FBXO10: variants seen among roughly 807,000 people sequenced by gnomAD.
The protein encoded by FBXO10 is F-box protein 10.
In FBXO10, 39 loss-of-function variants were observed where a neutral mutation model predicts 80.7. The ratio of observed to expected loss-of-function variants is 0.48; its 90% CI spans 0.37 to 0.63. The LOEUF (loss-of-function observed/expected upper bound fraction) is 0.63. FBXO10 is among the 30% of genes least tolerant of loss of function. The pLI is 0.00. For missense variants in FBXO10, 1,025 were observed against 1,269.0 expected (o/e 0.81, Z 2.92); for synonymous variants, 449 against 489.6 (o/e 0.92, Z 1.09).
At chr9:37,528,479 C>T (rs187124477) in intron 5 of FBXO10, among the ~76,000 whole-genome samples, 12 of 152,270 alleles carry the variant, frequency 7.9e-5, no homozygotes, top group East Asian at 3.9e-4. Context: ...GAACATCCAC[C>T]GACCCCTCCC....
At chr9:37,566,944 AC>A (rs1822621589) in intron 1 of FBXO10, among the ~76,000 whole-genome samples, 1 of 151,956 alleles carries the variant, frequency 6.6e-6, no homozygotes, top group Admixed American at 6.6e-5. Flanking sequence ...AGCCATAAGG[AC>A]CCTCTCTCCT....
intron 1 of FBXO10, among the ~76,000 whole-genome samples, chr9:37,543,108 TG>T (rs1821968152): frequency 1.3e-5 from 2 of 152,212 alleles, no homozygotes; most frequent in South Asian, 4.1e-4. Context: ...TCAGATGCTG[TG>T]GGTTTTGGTC....
At position 37,537,699 on chromosome 9, in the gene FBXO10, A is replaced by T; in HGVS notation, c.830T>A (p.Ile277Asn). 6.2e-7 allele frequency: 1 copy of T among 1,613,982 alleles called. No individual in the cohort carries two copies. The highest frequency in any genetic ancestry group is 1.1e-5 in the South Asian group (1 of 91,078). Residue 277 changes from isoleucine to asparagine, a missense_variant, in exon 3 of 11, where the codon ATC (isoleucine) becomes AAC (asparagine). Ile to Asn is a moderately radical substitution (Grantham distance 149). Coordinates refer to ENST00000432825, the MANE Select transcript of FBXO10 (RefSeq NM_012166.3). ...GGGGAGAAAAGTGGGTGAGGACTTG[A>T]TAAGCCCTAGTAGATACTTGTAGGC... ...NWAYKYLLGL[I>N]KSSPTFLPTE...
chr9:37,570,948 T>A (rs926131591), intron 1 of FBXO10, among the ~76,000 whole-genome samples: 8 of 150,068 alleles, frequency 5.3e-5, no homozygotes, highest in African/African-American at 1.7e-4. Context: ...GAGCTGAGAT[T>A]GCGCCACTGC....
intron 1 of FBXO10, among the ~76,000 whole-genome samples, chr9:37,546,833 A>T (rs561760344): frequency 6.1e-4 from 92 of 151,736 alleles, no homozygotes; most frequent in African/African-American, 2.1e-3. Context: ...GGCGTGCGCC[A>T]CCACGCCTGG....
chr9:37,566,129 A>C (rs1055254914), intron 1 of FBXO10, among the ~76,000 whole-genome samples: 5 of 152,106 alleles, frequency 3.3e-5, no homozygotes, highest in African/African-American at 1.2e-4. Flanking sequence ...GACAAAAGGG[A>C]CCCAACAGGC....
chr9:37,548,099 CA>C (rs944633319), intron 1 of FBXO10, among the ~76,000 whole-genome samples: 1 of 152,204 alleles, frequency 6.6e-6, no homozygotes, highest in African/African-American at 2.4e-5. Flanking sequence ...AAACCCTCAC[CA>C]GAGGTTGGGC....
At chr9:37,564,778 G>C (rs1382112041) in intron 1 of FBXO10, among the ~76,000 whole-genome samples, 1 of 152,216 alleles carries the variant, frequency 6.6e-6, no homozygotes, top group Non-Finnish European at 1.5e-5. Context: ...GCTTGCCTTT[G>C]ATTTTACAGG....
intron 1 of FBXO10, among the ~76,000 whole-genome samples, chr9:37,562,653 AT>A (rs1325382984): frequency 6.6e-6 from 1 of 152,252 alleles, no homozygotes; most frequent in Non-Finnish European, 1.5e-5. Flanking sequence ...TACTGAATAA[AT>A]AATCACCCTC....
At chr9:37,564,562 G>C (rs770240411) in intron 1 of FBXO10, among the ~76,000 whole-genome samples, 15 of 152,252 alleles carry the variant, frequency 9.9e-5, no homozygotes, top group Non-Finnish European at 1.6e-4. Flanking sequence ...AGCTGCCCAA[G>C]GCTGGGAGCC....
intron 1 of FBXO10, among the ~76,000 whole-genome samples, chr9:37,551,175 T>C (rs1822189205): frequency 6.6e-6 from 1 of 152,246 alleles, no homozygotes; most frequent in Non-Finnish European, 1.5e-5. Flanking sequence ...AATAATCTTC[T>C]TCGACTCCAT....
chr9:37,529,019 T>A, intron 5 of FBXO10, 105 bp downstream of exon 5: 1 of 1,457,228 alleles, frequency 6.9e-7, no homozygotes, highest in South Asian at 1.3e-5. Flanking sequence ...TGAAGTCTCT[T>A]CTCTGCTTGC....
intron 1 of FBXO10, among the ~76,000 whole-genome samples, chr9:37,568,249 G>A (rs1157696172): frequency 2.0e-5 from 3 of 152,036 alleles, no homozygotes. Context: ...CCAAACTGGA[G>A]TACAATGGCG....
Position 37,518,210 on chromosome 9 carries a change from T to C in FBXO10, c.2429A>G (p.Lys810Arg), listed in dbSNP as rs771707966. 10 of 1,614,090 alleles carry C rather than the reference T, an allele frequency of 6.2e-6. No homozygotes were observed. The South Asian group carries it at 9.9e-5, about 16-fold the overall frequency. The change falls in exon 9 of 11, where the codon AAG becomes AGG. Residue 810 changes from lysine (K) to arginine (R), a missense_variant. Coordinates refer to ENST00000432825, the MANE Select transcript of FBXO10 (RefSeq NM_012166.3). ...YDNRGHGIIT[K>R]GDSTIVIEND... ...TTCAATGACGATGGTGCTGTCGCCC[T>C]TGGTGATAATGCCGTGGCCTCTGTT...
chr9:37,537,900 T>C lies in FBXO10; in HGVS notation c.629A>G (p.Asn210Ser). The C allele has an allele frequency of 6.2e-7, 1 of 1,613,968 alleles. No individual in the cohort carries two copies. The highest frequency in any genetic ancestry group is 8.5e-7 in the Non-Finnish European group (1 of 1,179,872). The change falls in exon 3 of 11, where the codon AAC becomes AGC. Residue 210 changes from asparagine to serine, a missense_variant. By Grantham distance (46) the Asn-to-Ser change is conservative. Coordinates refer to ENST00000432825, the MANE Select transcript of FBXO10 (RefSeq NM_012166.3). ...CGGGCCATGGACCTGGATGTGCCCGTTCTCAAAGTTGCAGTTGTCAAACTG... is the reference window on the plus strand; with the variant it reads ...CGGGCCATGGACCTGGATGTGCCCGCTCTCAAAGTTGCAGTTGTCAAACTG... Reference protein sequence around the residue: ...HVQFDNCNFENGHIQVHGPGT... With the variant: ...HVQFDNCNFESGHIQVHGPGT...
At chr9:37,540,848 C>T (rs1469759959) in intron 2 of FBXO10, among the ~76,000 whole-genome samples, 1 of 152,192 alleles carries the variant, frequency 6.6e-6, no homozygotes, top group Admixed American at 6.5e-5. Flanking sequence ...CTCTCTGCTT[C>T]CTGTCACCAA....
chr9:37,522,767 C>A, intron 7 of FBXO10, 58 bp downstream of exon 7: 1 of 1,538,972 alleles, frequency 6.5e-7, no homozygotes, highest in Non-Finnish European at 8.8e-7. Flanking sequence ...GACCCACAAG[C>A]TGGAGATGGA....
At chr9:37,526,630 T>C (rs552347808) in intron 5 of FBXO10, among the ~76,000 whole-genome samples, 57 of 152,110 alleles carry the variant, frequency 3.7e-4, no homozygotes, top group East Asian at 3.1e-3. Flanking sequence ...GAGTTCAAAA[T>C]GGGTTTCACA....
At chr9:37,542,111 G>A (rs180864580) in intron 1 of FBXO10, among the ~76,000 whole-genome samples, 2,562 of 152,046 alleles carry the variant, frequency 0.017, 38 homozygotes, top group Non-Finnish European at 0.03. Flanking sequence ...TTACAGGCGT[G>A]AGCCACCACA....
Sources: allele counts gnomAD v4.1 joint callset (sites outside exome capture counted in the v4.1 genomes callset), GRCh38; gene constraint gnomAD v4.1.1; transcripts MANE v1.5; gene names NCBI Gene and HGNC (gene_info 2026-07-23, HGNC 2026-07-21).